Variants in TTLL11 observed in about 807,000 individuals in gnomAD.
TTLL11 encodes the protein tubulin tyrosine ligase like 11.
Under a neutral mutation model 51.7 loss-of-function variants are expected in TTLL11, and 42 were observed. That is an observed-to-expected ratio of 0.81 (90% CI 0.64 to 1.05). The LOEUF (loss-of-function observed/expected upper bound fraction) is 1.05, where lower values mean the gene tolerates loss of function less well. Ranked by LOEUF, TTLL11 falls within the 50% of genes least tolerant of loss-of-function variation. The probability of loss-of-function intolerance (pLI) is 0.00; values close to 1 mark genes in which losing one functional copy is unlikely to be tolerated. For missense variants in TTLL11, 799 were observed against 940.4 expected, an observed-to-expected ratio of 0.85 and a Z score of 1.97; for synonymous variants, 381 against 383.5, an observed-to-expected ratio of 0.99 and a Z score of 0.08.
intron 6 of TTLL11, among the ~76,000 whole-genome samples, chr9:121,933,870 G>T (rs954829657): frequency 1.6e-4 from 25 of 152,160 alleles, no homozygotes; most frequent in African/African-American, 6.0e-4. Flanking sequence ...TTTCTTAAAG[G>T]TTAGTTAGTT....
At chr9:122,058,608 A>G (rs1044370045) in intron 1 of TTLL11, among the ~76,000 whole-genome samples, 1 of 152,182 alleles carries the variant, frequency 6.6e-6, no homozygotes, top group African/African-American at 2.4e-5. Context: ...TAACTGCTCA[A>G]ATATGATGGG....
intron 3 of TTLL11, among the ~76,000 whole-genome samples, chr9:122,016,318 C>A (rs1377137383): frequency 6.6e-6 from 1 of 152,112 alleles, no homozygotes; most frequent in Non-Finnish European, 1.5e-5. Flanking sequence ...GAAATGGGGA[C>A]AAGCGTAGCT....
intron 7 of TTLL11, among the ~76,000 whole-genome samples, chr9:121,868,699 T>C (rs534042484): frequency 6.6e-6 from 1 of 152,232 alleles, no homozygotes; most frequent in African/African-American, 2.4e-5. Context: ...GTTCCTGTTA[T>C]ATGAAAGAAA....
chr9:121,889,866 C>T (rs1839155462), intron 6 of TTLL11, among the ~76,000 whole-genome samples: 2 of 150,920 alleles, frequency 1.3e-5, no homozygotes, highest in Non-Finnish European at 2.9e-5. Flanking sequence ...CACCACTATA[C>T]TCCAGCCTGG....
At chr9:121,871,469 C>G (rs982873110) in intron 6 of TTLL11, among the ~76,000 whole-genome samples, 3 of 152,118 alleles carry the variant, frequency 2.0e-5, no homozygotes, top group Admixed American at 6.6e-5. Flanking sequence ...CAGGAAAGCA[C>G]AGAATAAATG....
intron 7 of TTLL11, among the ~76,000 whole-genome samples, chr9:121,860,644 T>A (rs1017934719): frequency 6.6e-6 from 1 of 152,196 alleles, no homozygotes; most frequent in Admixed American, 6.5e-5. Context: ...GGAATGGGAA[T>A]AGTGCTCTTC....
At chr9:121,914,008 C>CGGA (rs992756030) in intron 6 of TTLL11, among the ~76,000 whole-genome samples, 4 of 152,230 alleles carry the variant, frequency 2.6e-5, no homozygotes, top group Admixed American at 6.5e-5. Context: ...CAGCAATTAC[C>CGGA]ATCCCCACTT....
chr9:121,966,738 G>A (rs538211069), intron 6 of TTLL11, among the ~76,000 whole-genome samples: 1 of 152,126 alleles, frequency 6.6e-6, no homozygotes, highest in Admixed American at 6.5e-5. Context: ...TAGGAGTCAG[G>A]CCCAGGACCC....
intron 8 of TTLL11, among the ~76,000 whole-genome samples, chr9:121,851,892 C>A (rs116630182): frequency 6.6e-6 from 1 of 152,148 alleles, no homozygotes; most frequent in Middle Eastern, 3.2e-3. Flanking sequence ...TTGTTGTTAA[C>A]GCCAGGCTTA....
chr9:121,860,478 C>A, intron 7 of TTLL11, 35 bp from the exon 8 acceptor site: 1 of 1,502,620 alleles, frequency 6.7e-7, no homozygotes, highest in Admixed American at 2.0e-5. Context: ...TCACTGCCAG[C>A]CTGAAACCTG....
chr9:121,930,590 G>T (rs986813749), intron 6 of TTLL11, among the ~76,000 whole-genome samples: 1 of 152,236 alleles, frequency 6.6e-6, no homozygotes, highest in Non-Finnish European at 1.5e-5. Context: ...GCAGACAGAA[G>T]AAATGGCTCA....
intron 8 of TTLL11, among the ~76,000 whole-genome samples, chr9:121,836,472 C>T (rs1351926491): frequency 6.6e-6 from 1 of 152,196 alleles, no homozygotes; most frequent in Non-Finnish European, 1.5e-5. Context: ...CTTCTCACTG[C>T]CATGTGCTCT....
At chr9:121,879,889 C>T (rs1304728861) in intron 6 of TTLL11, among the ~76,000 whole-genome samples, 3 of 151,738 alleles carry the variant, frequency 2.0e-5, no homozygotes, top group African/African-American at 7.3e-5. Flanking sequence ...TGCTTGAACC[C>T]GGGAAACAAG....
At chr9:121,981,411 C>T (rs1842826938) in intron 4 of TTLL11, among the ~76,000 whole-genome samples, 1 of 152,154 alleles carries the variant, frequency 6.6e-6, no homozygotes, top group Non-Finnish European at 1.5e-5. Flanking sequence ...TGGCTCTTTT[C>T]ACTAGTTTCC....
At chr9:122,082,061 T>C (rs1846014968) in intron 1 of TTLL11, among the ~76,000 whole-genome samples, 1 of 152,196 alleles carries the variant, frequency 6.6e-6, no homozygotes, top group African/African-American at 2.4e-5. Flanking sequence ...TAGTATACAG[T>C]ATTGGAGCAG....
Position 121,995,907 on chromosome 9 carries a change from C to T in TTLL11, c.694-6137G>A, listed in dbSNP as rs1411418738. Reference sequence around the variant, plus strand: ...CAGGTATCCGAACAGACCTCTCAAGCTCCGTGGTGAGCGCGGGAACCACGG... The same window carrying T: ...CAGGTATCCGAACAGACCTCTCAAGTTCCGTGGTGAGCGCGGGAACCACGG... On this transcript the variant is annotated intron_variant, in intron 3 of 8. Coordinates refer to ENST00000321582, the MANE Select transcript of TTLL11 (RefSeq NM_001139442.2). The surrounding 1 kb of genome is among the most constrained non-coding windows in gnomAD (Gnocchi z 4.4). Among the ~76,000 whole-genome samples, 1 of 152,194 alleles carries T rather than the reference C, an allele frequency of 6.6e-6. No individual in the cohort carries two copies. Among genetic ancestry groups the T allele is most frequent in the Non-Finnish European group, 1.5e-5 (1 of 68,032 alleles).
At chr9:121,910,762 A>G (rs936738447) in intron 6 of TTLL11, among the ~76,000 whole-genome samples, 3 of 152,378 alleles carry the variant, frequency 2.0e-5, no homozygotes, top group East Asian at 3.9e-4. Flanking sequence ...TGTTAAGATA[A>G]CATAGGAAAG....
At chr9:121,926,732 G>A (rs73555622) in intron 6 of TTLL11, among the ~76,000 whole-genome samples, 1,737 of 152,344 alleles carry the variant, frequency 0.011, 23 homozygotes, top group African/African-American at 0.033. Context: ...TTTGGCACGA[G>A]CCAGGCCTGG....
intron 6 of TTLL11, among the ~76,000 whole-genome samples, chr9:121,877,245 T>C (rs1838600388): frequency 6.6e-6 from 1 of 152,020 alleles, no homozygotes; most frequent in Non-Finnish European, 1.5e-5. Context: ...ACCAAAGAAG[T>C]CCCTTAAATT....
Sources: gnomAD v4.1 joint callset for allele counts (sites outside exome capture counted in the v4.1 genomes callset) on GRCh38, gnomAD v4.1.1 for gene constraint, Gnocchi (gnomAD v3.1) non-coding constraint, MANE v1.5 for transcripts, NCBI Gene and HGNC (gene_info 2026-07-23, HGNC 2026-07-21) for gene names.